FILIP1L: variants seen among roughly 807,000 people sequenced by gnomAD.
FILIP1L encodes the protein filamin A interacting protein 1 like.
FILIP1L carries 55 observed loss-of-function variants against 96.6 expected under a neutral mutation model. The observed-to-expected ratio is 0.57, with a 90% CI of 0.46 to 0.71. The LOEUF is 0.71. FILIP1L is among the 30% of genes least tolerant of loss of function. The pLI, the probability that FILIP1L is intolerant of heterozygous loss-of-function variation, is 0.00. For synonymous variants in FILIP1L, 467 were observed against 473.9 expected (o/e 0.99, Z 0.19); for missense variants, 1,304 against 1,321.2 (o/e 0.99, Z 0.20).
At chr3:100,062,244 T>TG (rs1212631037) in intron 1 of FILIP1L, among the ~76,000 whole-genome samples, 2 of 151,626 alleles carry the variant, frequency 1.3e-5, no homozygotes, top group Non-Finnish European at 2.9e-5. Flanking sequence ...CCCGAGTAGC[T>TG]GGGACTACAG....
chr3:99,877,827 A>G (rs1324538541), intron 4 of FILIP1L, among the ~76,000 whole-genome samples: 2 of 152,164 alleles, frequency 1.3e-5, no homozygotes, highest in African/African-American at 4.8e-5. Flanking sequence ...AAACACCTGA[A>G]TCTCAGCCCC....
intron 4 of FILIP1L, among the ~76,000 whole-genome samples, chr3:99,878,051 A>G (rs754646737): frequency 1.6e-4 from 25 of 152,120 alleles, no homozygotes; most frequent in Non-Finnish European, 3.1e-4. Context: ...TTCTTTAGCT[A>G]TATTCTGAAG....
At chr3:100,050,142 A>T (rs2065345648) in intron 1 of FILIP1L, among the ~76,000 whole-genome samples, 1 of 152,208 alleles carries the variant, frequency 6.6e-6, no homozygotes, top group South Asian at 2.1e-4. Context: ...GTTCGGGGGC[A>T]AATTTTTAAA....
In FILIP1L at chr3:99,850,999, G is replaced by A. The variant is rs1283012086; in HGVS notation, c.677C>T (p.Thr226Ile). The change falls in exon 5 of 6, where the codon ACC becomes ATC. Residue 226 changes from threonine to isoleucine, a missense_variant. Thr to Ile is a moderately conservative substitution (Grantham distance 89). Coordinates refer to ENST00000477258, the MANE Select transcript of FILIP1L (RefSeq NM_001387850.1). ...CTTGGTCAGCTCCTCTTTCAGGGTG[G>A]TGACCCTTTTCTCCTTTTCTTGCTC... ...EKEQEKEKRV[T>I]TLKEELTKLK... 3 of 1,613,502 alleles carry A rather than the reference G, an allele frequency of 1.9e-6. No homozygotes were observed. The highest frequency in any genetic ancestry group is 1.7e-5 in the Admixed American group (1 of 59,994).
intron 1 of FILIP1L, among the ~76,000 whole-genome samples, chr3:99,955,578 A>G (rs891032158): frequency 2.6e-5 from 4 of 152,168 alleles, no homozygotes. Flanking sequence ...CCAAAGCCAG[A>G]CACTTTTTTA....
intron 1 of FILIP1L, among the ~76,000 whole-genome samples, chr3:99,935,363 A>G (rs988180097): frequency 6.6e-6 from 1 of 152,036 alleles, no homozygotes; most frequent in Non-Finnish European, 1.5e-5. Flanking sequence ...TTTACAAGGG[A>G]AAAAAACCTG....
intron 4 of FILIP1L, among the ~76,000 whole-genome samples, chr3:99,871,067 G>A (rs1305334701): frequency 6.6e-6 from 1 of 152,196 alleles, no homozygotes; most frequent in Non-Finnish European, 1.5e-5. Context: ...GGGCAGAAAA[G>A]CATCTGACTT....
chr3:99,866,486 G>A (rs563293184), intron 4 of FILIP1L, among the ~76,000 whole-genome samples: 1 of 152,338 alleles, frequency 6.6e-6, no homozygotes, highest in African/African-American at 2.4e-5. Context: ...AGGATGGATA[G>A]CAGCCTGAAG....
chr3:99,915,508 T>A (rs1322821218), intron 4 of FILIP1L, among the ~76,000 whole-genome samples: 1 of 152,158 alleles, frequency 6.6e-6, no homozygotes, highest in Non-Finnish European at 1.5e-5. Context: ...AAACCCTCAC[T>A]TTGGTTCAGT....
At chr3:100,078,009 G>A (rs2065876494) in intron 1 of FILIP1L, among the ~76,000 whole-genome samples, 1 of 151,700 alleles carries the variant, frequency 6.6e-6, no homozygotes, top group African/African-American at 2.4e-5. Context: ...TTAACAGCCA[G>A]CTAAAACATT....
At chr3:99,994,846 C>A (rs140632608) in intron 1 of FILIP1L, among the ~76,000 whole-genome samples, 1 of 152,174 alleles carries the variant, frequency 6.6e-6, no homozygotes, top group Non-Finnish European at 1.5e-5. Flanking sequence ...TTATTCACTA[C>A]CACGAGAACA....
intron 1 of FILIP1L, among the ~76,000 whole-genome samples, chr3:99,971,910 G>C (rs905059543): frequency 1.8e-4 from 28 of 152,186 alleles, no homozygotes; most frequent in African/African-American, 6.8e-4. Flanking sequence ...GTACAGGTAG[G>C]ATTATGTAAA....
At chr3:99,847,800 TA>T in intron 5 of FILIP1L, 1 of 256,592 alleles carries the variant, frequency 3.9e-6, no homozygotes, top group Non-Finnish European at 6.1e-6. Flanking sequence ...AAGTTGACCA[TA>T]AATGGGACAT....
intron 1 of FILIP1L, among the ~76,000 whole-genome samples, chr3:100,065,280 C>T (rs908095366): frequency 6.6e-6 from 1 of 152,126 alleles, no homozygotes; most frequent in Non-Finnish European, 1.5e-5. Flanking sequence ...CCAGATAATG[C>T]TTTTTCCTGC....
intron 1 of FILIP1L, among the ~76,000 whole-genome samples, chr3:100,091,928 G>A (rs552299077): frequency 6.6e-6 from 1 of 152,222 alleles, no homozygotes; most frequent in African/African-American, 2.4e-5. Context: ...CAGGTTCTAG[G>A]GTCAGATTTC....
intron 4 of FILIP1L, among the ~76,000 whole-genome samples, chr3:99,866,115 G>C (rs1175122852): frequency 6.6e-6 from 1 of 150,614 alleles, no homozygotes; most frequent in Admixed American, 6.6e-5. Context: ...TAGAAAGCAT[G>C]TATCCTTTTC....
At chr3:99,986,467 C>T (rs372598837) in intron 1 of FILIP1L, among the ~76,000 whole-genome samples, 12 of 152,026 alleles carry the variant, frequency 7.9e-5, no homozygotes, top group Non-Finnish European at 1.5e-4. Context: ...ATACTAGTGA[C>T]GGTTAGTTTT....
intron 1 of FILIP1L, among the ~76,000 whole-genome samples, chr3:100,061,736 T>A (rs1166709668): frequency 6.6e-6 from 1 of 152,180 alleles, no homozygotes; most frequent in Non-Finnish European, 1.5e-5. Context: ...TATCCTCCCA[T>A]TCTGAGGTGA....
intron 1 of FILIP1L, among the ~76,000 whole-genome samples, chr3:100,087,544 C>T (rs977320868): frequency 2.0e-5 from 3 of 152,092 alleles, no homozygotes; most frequent in Non-Finnish European, 4.4e-5. Context: ...TTTAGTGAGG[C>T]ATCTTTTCAA....
Sources: allele counts gnomAD v4.1 joint callset (sites outside exome capture counted in the v4.1 genomes callset), GRCh38; gene constraint gnomAD v4.1.1; transcripts MANE v1.5; gene names NCBI Gene and HGNC (gene_info 2026-07-23, HGNC 2026-07-21).